The following DHRSX variants were observed in gnomAD, a reference collection of about 807,000 sequenced individuals.
The protein encoded by DHRSX is dehydrogenase/reductase X-linked, also known as polyprenol dehydrogenase.
In DHRSX, 31 loss-of-function variants were observed where a neutral mutation model predicts 34.0. That is an observed-to-expected ratio of 0.91 (90% CI 0.69 to 1.23). The LOEUF is 1.23. DHRSX is among the 50% of genes most tolerant of loss of function. The pLI is 0.00. For synonymous variants in DHRSX, 201 were observed against 183.8 expected (o/e 1.09, Z -0.76); for missense variants, 414 against 428.1 (o/e 0.97, Z 0.29).
chrX:2,447,152 C>T (rs942512086), intron 1 of DHRSX, among the ~76,000 whole-genome samples: 2 of 152,028 alleles, frequency 1.3e-5, no homozygotes, highest in Non-Finnish European at 2.9e-5. Context: ...GCACTGAAGA[C>T]GTTCCCTAAG....
chrX:2,353,393 G>GA (rs1347333875), intron 3 of DHRSX, among the ~76,000 whole-genome samples: 3 of 151,756 alleles, frequency 2.0e-5, no homozygotes, highest in Non-Finnish European at 4.4e-5. Context: ...AGGAAAAAAA[G>GA]AAAAAAGCGT....
chrX:2,244,614 G>A (rs1489692557), intron 5 of DHRSX, among the ~76,000 whole-genome samples: 1 of 152,036 alleles, frequency 6.6e-6, no homozygotes, highest in African/African-American at 2.4e-5. Context: ...GCCCAGAGGC[G>A]ATCAATTTGC....
intron 3 of DHRSX, among the ~76,000 whole-genome samples, chrX:2,399,621 G>A: frequency 6.6e-6 from 1 of 151,452 alleles, no homozygotes; most frequent in East Asian, 1.9e-4. Context: ...CAGGAGAATG[G>A]CTTGAACCAG....
intron 3 of DHRSX, among the ~76,000 whole-genome samples, chrX:2,358,066 C>G (rs1217444547): frequency 6.6e-6 from 1 of 152,190 alleles, no homozygotes; most frequent in Admixed American, 6.5e-5. Flanking sequence ...GGTTATGCTA[C>G]TTTGTCTTCA....
chrX:2,449,431 G>T (rs2044186606), intron 1 of DHRSX, among the ~76,000 whole-genome samples: 1 of 152,124 alleles, frequency 6.6e-6, no homozygotes, highest in African/African-American at 2.4e-5. Flanking sequence ...AAATAGCCCA[G>T]CTGGGAAGAA....
chrX:2,300,001 A>G (rs748029522), intron 3 of DHRSX, among the ~76,000 whole-genome samples: 1 of 152,316 alleles, frequency 6.6e-6, no homozygotes, highest in South Asian at 2.1e-4. Context: ...ATGTGTTGAT[A>G]AATAGGGATC....
chrX:2,374,335 A>G (rs1333018938), intron 3 of DHRSX, among the ~76,000 whole-genome samples: 2 of 152,208 alleles, frequency 1.3e-5, no homozygotes, highest in Non-Finnish European at 2.9e-5. Flanking sequence ...GGCCAGGCTC[A>G]GGGCTGTAAT....
chrX:2,324,643 A>T (rs1201278168), intron 3 of DHRSX, among the ~76,000 whole-genome samples: 1 of 152,026 alleles, frequency 6.6e-6, no homozygotes, highest in East Asian at 1.9e-4. Context: ...TACAGTCATG[A>T]TACTCGGCAA....
intron 3 of DHRSX, among the ~76,000 whole-genome samples, chrX:2,346,667 T>TG (rs1442138983): frequency 1.3e-5 from 2 of 151,620 alleles, no homozygotes; most frequent in African/African-American, 4.9e-5. Context: ...TTGTTGTTGT[T>TG]TAATACTTTA....
rs757473832 is a variant in DHRSX at position 2,221,149 on chromosome X, G to A, written c.885C>T (p.Tyr295=). The A allele has an allele frequency of 6.2e-7, 1 of 1,613,890 alleles. No individual in the cohort carries two copies. Among genetic ancestry groups the A allele is most frequent in the South Asian group, 1.1e-5 (1 of 91,066 alleles). Residue 295 remains tyrosine (Y), a synonymous_variant, in exon 7 of 7, where the codon TAC becomes TAT. Transcript: ENST00000334651. ...GGAGGGACTTGGTCTCTTTCTCGTT[G>A]TATAGGTAATGGCCACCAACTCCTT... ...ELEGVGGHYL[Y]NEKETKSLHV...
chrX:2,369,081 CA>C (rs1253492054), intron 3 of DHRSX, among the ~76,000 whole-genome samples: 1 of 152,142 alleles, frequency 6.6e-6, no homozygotes, highest in Non-Finnish European at 1.5e-5. Context: ...GCAAACCTAC[CA>C]CACCCTTCAC....
intron 1 of DHRSX, among the ~76,000 whole-genome samples, chrX:2,468,525 C>A (rs1603133265): frequency 6.6e-6 from 1 of 152,086 alleles, no homozygotes; most frequent in African/African-American, 2.4e-5. Flanking sequence ...GGGACCGCCA[C>A]TGTGTATGCA....
At chrX:2,246,748 G>GAAATAAAGAAAGAA (rs776138629) in intron 5 of DHRSX, among the ~76,000 whole-genome samples, 14 of 103,880 alleles carry the variant, frequency 1.3e-4, no homozygotes, top group African/African-American at 4.3e-4. Flanking sequence ...AAGAAAGAAA[G>GAAATAAAGAAAGAA]AAAAAGAAAG....
At chrX:2,416,669 G>A (rs1265056896) in intron 2 of DHRSX, among the ~76,000 whole-genome samples, 1 of 151,982 alleles carries the variant, frequency 6.6e-6, no homozygotes, top group Non-Finnish European at 1.5e-5. Flanking sequence ...TTAGATGACA[G>A]TCCATTGAGC....
chrX:2,486,277 C>G (rs1471207541), intron 1 of DHRSX: 4 of 152,128 alleles, frequency 2.6e-5, no homozygotes, highest in Non-Finnish European at 5.9e-5. Flanking sequence ...GAGCACAGAA[C>G]TGACCGTGGG....
intron 5 of DHRSX, among the ~76,000 whole-genome samples, chrX:2,244,630 A>C (rs1453227959): frequency 6.6e-6 from 1 of 151,998 alleles, no homozygotes; most frequent in Non-Finnish European, 1.5e-5. Context: ...TTTGCTACAC[A>C]ATTATCGTAA....
At chrX:2,243,278 C>T (rs1431480689) in intron 5 of DHRSX, 48 bp from the exon 6 acceptor site, 3 of 1,541,006 alleles carry the variant, frequency 1.9e-6, no homozygotes, top group Middle Eastern at 2.0e-4. Context: ...GCGTTCACGC[C>T]TAAGTGCTTC....
At chrX:2,372,717 T>C (rs1372411632) in intron 3 of DHRSX, among the ~76,000 whole-genome samples, 1 of 151,572 alleles carries the variant, frequency 6.6e-6, no homozygotes, top group Non-Finnish European at 1.5e-5. Context: ...CAAGCGATGC[T>C]CCTGCCTCAG....
chrX:2,472,702 G>C (rs1198197147), intron 1 of DHRSX, among the ~76,000 whole-genome samples: 1 of 152,148 alleles, frequency 6.6e-6, no homozygotes, highest in Non-Finnish European at 1.5e-5. Flanking sequence ...CCGGGAGACG[G>C]AGGTTGCAGT....
Sources: allele counts gnomAD v4.1 joint callset (sites outside exome capture counted in the v4.1 genomes callset), GRCh38; gene constraint gnomAD v4.1.1; transcripts MANE v1.5; gene names NCBI Gene and HGNC (gene_info 2026-07-23, HGNC 2026-07-21).